The following TXNDC11 variants were observed in gnomAD, a reference collection of about 807,000 sequenced individuals.
TXNDC11 encodes the protein thioredoxin domain containing 11.
Under a neutral mutation model 78.0 loss-of-function variants are expected in TXNDC11, and 68 were observed. That is an observed-to-expected ratio of 0.87 (90% confidence interval 0.72 to 1.07). The LOEUF is 1.07. Ranked by LOEUF, TXNDC11 falls within the 50% of genes least tolerant of loss-of-function variation. The pLI is 0.00. For missense variants in TXNDC11, 1,389 were observed against 1,221.8 expected (o/e 1.14, Z -2.04); for synonymous variants, 571 against 495.2 (o/e 1.15, Z -2.03).
At chr16:11,715,429 C>G (rs2051499706) in intron 5 of TXNDC11, among the ~76,000 whole-genome samples, 1 of 148,160 alleles carries the variant, frequency 6.7e-6, no homozygotes, top group Non-Finnish European at 1.5e-5. Context: ...CACTGCGTTC[C>G]AGCCTGGGCA....
At chr16:11,702,983 G>C (rs896057483) in intron 5 of TXNDC11, among the ~76,000 whole-genome samples, 5 of 152,164 alleles carry the variant, frequency 3.3e-5, no homozygotes, top group Non-Finnish European at 7.3e-5. Context: ...CTGGGGAAAG[G>C]GGACTGGAAA....
intron 7 of TXNDC11, among the ~76,000 whole-genome samples, chr16:11,697,154 A>G (rs2050880499): frequency 6.6e-6 from 1 of 152,220 alleles, no homozygotes; most frequent in Non-Finnish European, 1.5e-5. Context: ...TTCTTCCTCT[A>G]AACCAAAGAG....
At chr16:11,687,546 C>A (rs954005958) in intron 10 of TXNDC11, among the ~76,000 whole-genome samples, 2 of 152,226 alleles carry the variant, frequency 1.3e-5, no homozygotes, top group African/African-American at 4.8e-5. Context: ...CCTGGGGCAA[C>A]TGTCCCATGG....
intron 5 of TXNDC11, among the ~76,000 whole-genome samples, chr16:11,703,040 T>C (rs1307132444): frequency 6.6e-6 from 1 of 152,146 alleles, no homozygotes; most frequent in Non-Finnish European, 1.5e-5. Flanking sequence ...GGCCTTTTTG[T>C]ATCTGACTCC....
chr16:11,737,250 A>G (rs2052248731), intron 1 of TXNDC11, among the ~76,000 whole-genome samples: 1 of 151,850 alleles, frequency 6.6e-6, no homozygotes, highest in African/African-American at 2.4e-5. Flanking sequence ...GTTCAAGACC[A>G]GCCTGGCCAA....
intron 2 of TXNDC11, 120 bp downstream of exon 2, chr16:11,735,897 C>T (rs912425205): frequency 5.1e-5 from 44 of 861,814 alleles, no homozygotes; most frequent in African/African-American, 6.7e-5. Flanking sequence ...AACTTAGAAA[C>T]GACTCCTGGA....
At chr16:11,697,558 C>T (rs912264805) in intron 7 of TXNDC11, among the ~76,000 whole-genome samples, 4 of 152,148 alleles carry the variant, frequency 2.6e-5, no homozygotes, top group South Asian at 2.1e-4. Context: ...CAGATGAAGC[C>T]GAAGACAGGC....
intron 1 of TXNDC11, among the ~76,000 whole-genome samples, chr16:11,741,165 T>A (rs1486444734): frequency 6.6e-6 from 1 of 152,172 alleles, no homozygotes; most frequent in Non-Finnish European, 1.5e-5. Flanking sequence ...TTATTATAAT[T>A]TATCTTTCCA....
chr16:11,704,784 A>C (rs2141043066), intron 5 of TXNDC11, among the ~76,000 whole-genome samples: 1 of 152,348 alleles, frequency 6.6e-6, no homozygotes, highest in East Asian at 1.9e-4. Context: ...AAAAAAACCA[A>C]CACATTGCGA....
rs769391642 is a variant in TXNDC11 at position 11,742,707 on chromosome 16, G to A, written c.24C>T (p.Gly8=). Reference sequence around the variant, plus strand: ...CGTCCTCGCTGCTGCTGCTGCCGCCGCCGCGGCCTCCGCATTCCGACATTA... The same window carrying A: ...CGTCCTCGCTGCTGCTGCTGCCGCCACCGCGGCCTCCGCATTCCGACATTA... MSECGGR[G]GGSSSSEDAE... is the part of the protein sequence containing the mutation. Residue 8 remains glycine (G), a synonymous_variant, in exon 1 of 12, where the codon GGC becomes GGT. Transcript: ENST00000283033. The A allele has an allele frequency of 1.8e-5, 27 of 1,481,216 alleles. No individual in the cohort carries two copies. The Middle Eastern group carries it at 1.2e-3, about 65-fold the overall frequency. The allele number at this position is 1,481,216 out of a possible 1,614,324, so 91.8% of individuals were successfully genotyped here.
intron 5 of TXNDC11, among the ~76,000 whole-genome samples, chr16:11,708,103 AG>A (rs2051236918): frequency 6.6e-6 from 1 of 152,212 alleles, no homozygotes; most frequent in Non-Finnish European, 1.5e-5. Context: ...ACTTAAAAAA[AG>A]AAAATTTTAA....
At chr16:11,698,450 G>T (rs2050920167) in intron 6 of TXNDC11, 125 bp from the exon 7 acceptor site, 3 of 759,898 alleles carry the variant, frequency 3.9e-6, no homozygotes, top group Non-Finnish European at 4.3e-6. Context: ...GCGGGGCCTG[G>T]CCCCACTGTG....
intron 5 of TXNDC11, among the ~76,000 whole-genome samples, chr16:11,707,690 C>T (rs2051223845): frequency 6.6e-6 from 1 of 151,934 alleles, no homozygotes; most frequent in East Asian, 2.0e-4. Flanking sequence ...CTCAAGTGAT[C>T]TGCCTGCCTC....
At chr16:11,719,035 C>A (rs1305648448) in intron 5 of TXNDC11, among the ~76,000 whole-genome samples, 2 of 152,064 alleles carry the variant, frequency 1.3e-5, no homozygotes, top group Non-Finnish European at 2.9e-5. Context: ...AAGGGTATTC[C>A]TAAAAGGAAC....
In TXNDC11 at chr16:11,680,975, T is replaced by C. The variant is rs1045995713; in HGVS notation, c.2235-1138A>G. Among the ~76,000 whole-genome samples, 20 of 152,196 alleles carry C rather than the reference T, an allele frequency of 1.3e-4. 1 individual carries two copies. In the East Asian group the frequency reaches 3.9e-3, roughly 29 times the overall value. On this transcript the variant is annotated intron_variant, in intron 11 of 11. Transcript: ENST00000283033. The stretch of plus-strand genomic sequence containing the variant: ...TGAGGCCAGGAGTTTGAGACCAGCC[T>C]GGACAATATAGTAAGGCCTCATCTG...
At chr16:11,711,920 T>G (rs1459466722) in intron 5 of TXNDC11, among the ~76,000 whole-genome samples, 1 of 152,204 alleles carries the variant, frequency 6.6e-6, no homozygotes, top group Non-Finnish European at 1.5e-5. Context: ...AGTATCAGCT[T>G]ATCTGGTTCA....
intron 4 of TXNDC11, among the ~76,000 whole-genome samples, chr16:11,724,740 T>C (rs920634265): frequency 3.3e-5 from 5 of 152,168 alleles, no homozygotes; most frequent in South Asian, 2.1e-4. Flanking sequence ...CTGAAGTAAG[T>C]AGAATTTCTT....
At chr16:11,707,365 C>A (rs2051212905) in intron 5 of TXNDC11, among the ~76,000 whole-genome samples, 1 of 149,718 alleles carries the variant, frequency 6.7e-6, no homozygotes, top group African/African-American at 2.5e-5. Context: ...AAAAAAAAAA[C>A]TCCATGATTT....
chr16:11,736,724 T>C (rs965115361), intron 1 of TXNDC11, among the ~76,000 whole-genome samples: 3 of 152,190 alleles, frequency 2.0e-5, no homozygotes, highest in Admixed American at 6.5e-5. Flanking sequence ...CTTGTACTTA[T>C]CCAGGGCATT....
Sources: gnomAD v4.1 joint callset for allele counts (sites outside exome capture counted in the v4.1 genomes callset) on GRCh38, gnomAD v4.1.1 for gene constraint, MANE v1.5 for transcripts, NCBI Gene and HGNC (gene_info 2026-07-23, HGNC 2026-07-21) for gene names.